The following SGK1 variants were observed in gnomAD, a reference collection of about 807,000 sequenced individuals.
The protein encoded by SGK1 is serine/threonine-protein kinase Sgk1.
In SGK1, 26 loss-of-function variants were observed where a neutral mutation model predicts 64.2. The ratio of observed to expected loss-of-function variants is 0.40; its 90% confidence interval spans 0.30 to 0.56. The LOEUF is 0.56. Among genes scored for constraint, SGK1 ranks in the 20% least tolerant of loss-of-function variants. SGK1 has a pLI of 0.38. For missense variants in SGK1, 519 were observed against 645.6 expected, an observed-to-expected ratio of 0.80 and a Z score of 2.12; for synonymous variants, 265 against 239.7, an observed-to-expected ratio of 1.11 and a Z score of -0.98.
At chr6:134,302,814 G>T (rs894847201) in intron 1 of SGK1, among the ~76,000 whole-genome samples, 1 of 151,904 alleles carries the variant, frequency 6.6e-6, no homozygotes, top group African/African-American at 2.4e-5. Context: ...GAGTGTAGTG[G>T]GGTGATCTTG....
chr6:134,273,437 C>CA (rs1776970731), intron 1 of SGK1, among the ~76,000 whole-genome samples: 2 of 147,340 alleles, frequency 1.4e-5, no homozygotes, highest in South Asian at 4.4e-4. Flanking sequence ...AAAAAAAATA[C>CA]AAAAAATTAG....
In SGK1 at chr6:134,205,484, TCTG is replaced by T. The variant is rs1300082008; in HGVS notation, c.361+1869_361+1871del. 2.0e-5 allele frequency among the ~76,000 whole-genome samples: 3 copies of T among 152,148 alleles called. No homozygotes were observed. In the East Asian group the frequency reaches 5.8e-4, roughly 29 times the overall value. On this transcript the variant is annotated intron_variant, in intron 3 of 13. Transcript: ENST00000367858. ...ACTTTCCTTCTCAAGTCCTCCTGTT[TCTG>T]CTAATAGGCACAGCCTCTGACTCCC...
intron 1 of SGK1, among the ~76,000 whole-genome samples, chr6:134,300,305 G>A (rs768950071): frequency 4.0e-5 from 6 of 151,764 alleles, no homozygotes; most frequent in East Asian, 2.0e-4. Flanking sequence ...TTGGGAGGCC[G>A]AGACGGGCAG....
rs79389497 is a variant in SGK1, at chr6:134,241,711, C to T, written c.285+20222G>A. Among the ~76,000 whole-genome samples, 15 of 152,310 alleles carry T rather than the reference C, an allele frequency of 9.8e-5. 1 individual carries two copies. In the East Asian group the frequency reaches 2.9e-3, roughly 29 times the overall value. ...TCTCGGCTCGCTGCAAGCTCCGCCT[C>T]CCGGGTTCAGGCCATTCTCCTGCCT... On this transcript the variant is annotated intron_variant, in intron 2 of 13. Coordinates refer to ENST00000367858, the MANE Select transcript of SGK1 (RefSeq NM_001143676.3).
At chr6:134,254,090 T>C (rs1233301676) in intron 2 of SGK1, among the ~76,000 whole-genome samples, 1 of 145,824 alleles carries the variant, frequency 6.9e-6, no homozygotes, top group African/African-American at 2.6e-5. Flanking sequence ...TGTCCTAGTC[T>C]CTCCTTTTCT....
intron 2 of SGK1, among the ~76,000 whole-genome samples, chr6:134,212,322 C>G (rs1775906180): frequency 6.6e-6 from 1 of 151,948 alleles, no homozygotes; most frequent in African/African-American, 2.4e-5. Flanking sequence ...CAAAGTGCTG[C>G]GATTACAGGC....
chr6:134,219,129 C>T (rs540007462), intron 2 of SGK1, among the ~76,000 whole-genome samples: 3 of 152,128 alleles, frequency 2.0e-5, no homozygotes, highest in East Asian at 1.9e-4. Flanking sequence ...ATTACAGGTG[C>T]GTGCCACCAT....
At chr6:134,188,751 G>A (rs149718222) in intron 3 of SGK1, among the ~76,000 whole-genome samples, 1 of 151,054 alleles carries the variant, frequency 6.6e-6, no homozygotes, top group African/African-American at 2.4e-5. Flanking sequence ...TTTTTTTTTT[G>A]AGTCAGGGTC....
At chr6:134,184,865 TGTAGAGATGAG>T (rs971283202) in intron 3 of SGK1, among the ~76,000 whole-genome samples, 1 of 152,096 alleles carries the variant, frequency 6.6e-6, no homozygotes, top group African/African-American at 2.4e-5. Flanking sequence ...TTATATTATT[TGTAGAGATGAG>T]GTCTTGCGGT....
At chr6:134,170,632 G>A (rs930875041) in intron 13 of SGK1, 194 bp downstream of exon 13, 18 of 672,842 alleles carry the variant, frequency 2.7e-5, no homozygotes, top group South Asian at 6.4e-5. Flanking sequence ...TTGGTGCTTC[G>A]AATTGATAAA....
intron 1 of SGK1, among the ~76,000 whole-genome samples, chr6:134,307,531 G>A (rs949931824): frequency 1.3e-5 from 2 of 152,078 alleles, no homozygotes; most frequent in Non-Finnish European, 2.9e-5. Flanking sequence ...AAATGGCATC[G>A]CATTTGCATA....
chr6:134,292,988 ATCT>A (rs143254461), intron 1 of SGK1, among the ~76,000 whole-genome samples: 6,964 of 152,298 alleles, frequency 0.046, 404 homozygotes, highest in East Asian at 0.25. Context: ...ATCGTATATC[ATCT>A]TCATAATTGG....
intron 3 of SGK1, among the ~76,000 whole-genome samples, chr6:134,176,372 G>T (rs768199151): frequency 5.3e-5 from 8 of 152,242 alleles, no homozygotes; most frequent in Non-Finnish European, 1.2e-4. Flanking sequence ...TGACTCCGCT[G>T]CAGAAGGCAG....
At chr6:134,259,185 G>A (rs1408494020) in intron 2 of SGK1, among the ~76,000 whole-genome samples, 1 of 152,102 alleles carries the variant, frequency 6.6e-6, no homozygotes, top group Non-Finnish European at 1.5e-5. Flanking sequence ...CTTTTGTGTG[G>A]AATTTCACTG....
At chr6:134,253,307 C>A (rs28683019) in intron 2 of SGK1, among the ~76,000 whole-genome samples, 15 of 125,204 alleles carry the variant, frequency 1.2e-4, no homozygotes, top group African/African-American at 4.4e-4. Flanking sequence ...TTTTTTTTTT[C>A]TTTTTGTGGA....
chr6:134,298,037 T>A, intron 1 of SGK1: 1 of 997,152 alleles, frequency 1.0e-6, no homozygotes, highest in Non-Finnish European at 1.6e-6. Flanking sequence ...GATCTCTTCA[T>A]ACAGCTGCCT....
intron 1 of SGK1, among the ~76,000 whole-genome samples, chr6:134,307,879 G>A (rs1385252425): frequency 6.6e-6 from 1 of 152,160 alleles, no homozygotes; most frequent in South Asian, 2.1e-4. Flanking sequence ...TCTTCCCCAA[G>A]ACCCTTGATT....
At chr6:134,184,837 C>T (rs1012381568) in intron 3 of SGK1, among the ~76,000 whole-genome samples, 3 of 152,072 alleles carry the variant, frequency 2.0e-5, no homozygotes, top group South Asian at 2.1e-4. Flanking sequence ...GTGTGTGCCA[C>T]CATGCCTGGC....
chr6:134,308,773 T>C (rs1777570498), intron 1 of SGK1, among the ~76,000 whole-genome samples: 1 of 152,090 alleles, frequency 6.6e-6, no homozygotes, highest in Admixed American at 6.6e-5. Flanking sequence ...GCCAGGCTGG[T>C]CTCAAACTCC....
Sources: allele counts gnomAD v4.1 joint callset (sites outside exome capture counted in the v4.1 genomes callset), GRCh38; gene constraint gnomAD v4.1.1; transcripts MANE v1.5; gene names NCBI Gene and HGNC (gene_info 2026-07-23, HGNC 2026-07-21).